LRRC4C: variants seen among roughly 807,000 people sequenced by gnomAD.
The protein encoded by LRRC4C is leucine rich repeat containing 4C.
In LRRC4C, 5 loss-of-function variants were observed where a neutral mutation model predicts 33.6. The ratio of observed to expected loss-of-function variants is 0.15; its 90% CI spans 0.08 to 0.31. The LOEUF (loss-of-function observed/expected upper bound fraction) is 0.31. Among genes scored for constraint, LRRC4C ranks in the 10% least tolerant of loss-of-function variants. The pLI, the probability that LRRC4C is intolerant of heterozygous loss-of-function variation, is 1.00. For missense variants in LRRC4C, 560 were observed against 796.7 expected (o/e 0.70, Z 3.58); for synonymous variants, 329 against 302.0 (o/e 1.09, Z -0.93).
chr11:41,234,488 A>C (rs1208679999), intron 1 of LRRC4C, among the ~76,000 whole-genome samples: 1 of 152,000 alleles, frequency 6.6e-6, no homozygotes, highest in Non-Finnish European at 1.5e-5. Flanking sequence ...CCTAACTGAA[A>C]TTTTGTATTC....
chr11:40,491,651 G>A (rs1565441821), intron 3 of LRRC4C, among the ~76,000 whole-genome samples: 2 of 152,140 alleles, frequency 1.3e-5, no homozygotes, highest in African/African-American at 2.4e-5. Context: ...GAGTGCATCT[G>A]TTTCTCACCT....
At chr11:40,184,901 C>T (rs181905779) in intron 5 of LRRC4C, among the ~76,000 whole-genome samples, 2 of 152,240 alleles carry the variant, frequency 1.3e-5, no homozygotes, top group African/African-American at 4.8e-5. Context: ...TGCCTCCTTT[C>T]TGCTGCGCTT....
At chr11:40,321,557 A>T (rs1482928286) in intron 3 of LRRC4C, among the ~76,000 whole-genome samples, 1 of 152,226 alleles carries the variant, frequency 6.6e-6, no homozygotes, top group East Asian at 1.9e-4. Flanking sequence ...AGTTTAACCC[A>T]GAAAGAGATA....
chr11:41,005,603 C>CAAAAAT (rs1565292867), intron 1 of LRRC4C, among the ~76,000 whole-genome samples: 5 of 151,906 alleles, frequency 3.3e-5, no homozygotes, highest in African/African-American at 4.8e-5. Flanking sequence ...GACTCCATCT[C>CAAAAAT]AAAAATAAAA....
At chr11:41,132,332 A>G (rs866730447) in intron 1 of LRRC4C, among the ~76,000 whole-genome samples, 2 of 152,186 alleles carry the variant, frequency 1.3e-5, no homozygotes, top group Non-Finnish European at 2.9e-5. Flanking sequence ...ATAGATATTC[A>G]TTCATCAGAT....
In LRRC4C at chr11:40,114,244, CT is replaced by C; in HGVS notation, c.*125del. The C allele has an allele frequency of 9.4e-7, 1 of 1,065,616 alleles. No individual in the cohort carries two copies. The highest frequency in any genetic ancestry group is 1.9e-5 in the South Asian group (1 of 51,554). 66.0% of individuals were successfully genotyped at this position (1,065,616 alleles called of 1,614,324 possible). A position where few individuals can be genotyped will look rare whatever the true frequency, so the allele number is the denominator to read the frequency against. On this transcript the variant is annotated 3_prime_UTR_variant, in exon 7 of 7. Transcript: ENST00000528697. ...AATAGAATTTTTAATAAATAAATTT[CT>C]TTTCTTTTTTGTTTTTTTGTAAAGA... is the stretch of plus-strand genomic sequence containing the variant.
At chr11:40,338,661 T>C (rs1946736219) in intron 3 of LRRC4C, among the ~76,000 whole-genome samples, 1 of 152,214 alleles carries the variant, frequency 6.6e-6, no homozygotes. Context: ...ATTCTCATGA[T>C]GAAATCATTT....
intron 1 of LRRC4C, among the ~76,000 whole-genome samples, chr11:41,303,079 G>GTCCCTCTCTCTCTCTCTC (rs1232020750): frequency 2.9e-5 from 3 of 104,016 alleles, no homozygotes; most frequent in Non-Finnish European, 6.9e-5. Context: ...TACTGCATTA[G>GTCCCTCTCTCTCTCTCTC]TCCCTCTCCC....
chr11:40,833,611 T>C (rs899372304), intron 2 of LRRC4C, among the ~76,000 whole-genome samples: 2 of 152,060 alleles, frequency 1.3e-5, no homozygotes, highest in Admixed American at 6.6e-5. Flanking sequence ...TTAGCAAAAT[T>C]ATAAATTTTG....
chr11:40,308,484 G>A (rs1385561382), intron 4 of LRRC4C, among the ~76,000 whole-genome samples: 1 of 152,116 alleles, frequency 6.6e-6, no homozygotes, highest in African/African-American at 2.4e-5. Flanking sequence ...GACCTTGCAG[G>A]TATGATTAAG....
intron 1 of LRRC4C, among the ~76,000 whole-genome samples, chr11:41,448,145 A>C (rs1266273937): frequency 1.2e-4 from 2 of 16,606 alleles, no homozygotes; most frequent in African/African-American, 8.2e-4. Context: ...TTTTTTTTGG[A>C]GCTTTACTTC....
chr11:40,610,863 G>A (rs1469716877), intron 3 of LRRC4C, among the ~76,000 whole-genome samples: 1 of 151,664 alleles, frequency 6.6e-6, no homozygotes, highest in East Asian at 1.9e-4. Context: ...ATTACTGAAA[G>A]GAATTAAAGA....
chr11:40,169,518 T>C (rs1443105982), intron 5 of LRRC4C, among the ~76,000 whole-genome samples: 1 of 152,188 alleles, frequency 6.6e-6, no homozygotes, highest in Non-Finnish European at 1.5e-5. Context: ...ATAACACATT[T>C]TATATTTTAG....
At chr11:40,709,576 TG>T in intron 2 of LRRC4C, among the ~76,000 whole-genome samples, 2 of 152,364 alleles carry the variant, frequency 1.3e-5, no homozygotes, top group African/African-American at 4.8e-5. Context: ...AGAGATCTGC[TG>T]TTAGTCTGAT....
At chr11:40,630,000 A>T (rs191983678) in intron 3 of LRRC4C, among the ~76,000 whole-genome samples, 1 of 152,254 alleles carries the variant, frequency 6.6e-6, no homozygotes, top group African/African-American at 2.4e-5. Context: ...ATCATAAATA[A>T]TTAATCTCTA....
intron 1 of LRRC4C, among the ~76,000 whole-genome samples, chr11:41,021,196 AGAGAGAGAGAGAGAG>A (rs1855947314): frequency 1.8e-5 from 1 of 55,754 alleles, no homozygotes; most frequent in Admixed American, 1.5e-4. Context: ...AGAGAGAGAG[AGAGAGAGAGAGAGAG>A]AGAGTGTGTG....
intron 1 of LRRC4C, among the ~76,000 whole-genome samples, chr11:41,380,261 T>C (rs2137881004): frequency 6.6e-6 from 1 of 152,266 alleles, no homozygotes; most frequent in Middle Eastern, 3.4e-3. Context: ...ACATATTACA[T>C]CTAGAAATTA....
chr11:41,165,296 C>A (rs963429065), intron 1 of LRRC4C, among the ~76,000 whole-genome samples: 1 of 152,088 alleles, frequency 6.6e-6, no homozygotes, highest in East Asian at 1.9e-4. Flanking sequence ...GGATCACCAT[C>A]ATATATGAGA....
chr11:40,934,640 A>G (rs1300036931), intron 1 of LRRC4C, among the ~76,000 whole-genome samples: 1 of 152,086 alleles, frequency 6.6e-6, no homozygotes, highest in African/African-American at 2.4e-5. Flanking sequence ...CAATGGGTCA[A>G]ACTTTCTTAG....
Sources: allele counts gnomAD v4.1 joint callset (sites outside exome capture counted in the v4.1 genomes callset), GRCh38; gene constraint gnomAD v4.1.1; transcripts MANE v1.5; gene names NCBI Gene and HGNC (gene_info 2026-07-23, HGNC 2026-07-21).